PREX2: variants seen among roughly 807,000 people sequenced by gnomAD.
PREX2 encodes phosphatidylinositol-3,4,5-trisphosphate dependent Rac exchange factor 2.
PREX2 carries 107 observed loss-of-function variants against 203.2 expected under a neutral mutation model. That is an observed-to-expected ratio of 0.53 (90% CI 0.45 to 0.62). The LOEUF (loss-of-function observed/expected upper bound fraction) is 0.62. PREX2 is among the 20% of genes least tolerant of loss of function. The pLI is 0.00. For missense variants in PREX2, 1,777 were observed against 1,955.9 expected (o/e 0.91, Z 1.72); for synonymous variants, 672 against 663.6 (o/e 1.01, Z -0.19).
chr8:68,011,836 CAGAAACAAACT>C (rs1159327410), intron 1 of PREX2, among the ~76,000 whole-genome samples: 3 of 151,948 alleles, frequency 2.0e-5, no homozygotes, highest in African/African-American at 7.3e-5. Context: ...ATCAAGACTG[CAGAAACAAACT>C]AGAAGTTAAA....
At chr8:68,156,097 G>A (rs890260157) in intron 34 of PREX2, among the ~76,000 whole-genome samples, 10 of 152,078 alleles carry the variant, frequency 6.6e-5, no homozygotes, top group Non-Finnish European at 1.3e-4. Flanking sequence ...GTCTTACTCT[G>A]TCCCCCAGAC....
chr8:68,141,967 G>C (rs1038621180), intron 33 of PREX2, among the ~76,000 whole-genome samples: 2 of 152,064 alleles, frequency 1.3e-5, no homozygotes, highest in African/African-American at 4.8e-5. Context: ...TTTTTAAAAA[G>C]CCTTTATATT....
At chr8:68,087,575 G>A (rs1809731160) in intron 18 of PREX2, 149 bp from the exon 19 acceptor site, 1 of 665,736 alleles carries the variant, frequency 1.5e-6, no homozygotes, top group Non-Finnish European at 2.7e-6. Flanking sequence ...TGGGGACCAT[G>A]TTCGTCTCCA....
chr8:68,137,921 A>G (rs769019968), intron 32 of PREX2, among the ~76,000 whole-genome samples: 3 of 152,256 alleles, frequency 2.0e-5, no homozygotes, highest in Non-Finnish European at 4.4e-5. Flanking sequence ...CCAAATAATC[A>G]CACATTAAAA....
chr8:68,069,687 A>G (rs1479226551), intron 12 of PREX2, 148 bp from the exon 13 acceptor site: 1 of 439,442 alleles, frequency 2.3e-6, no homozygotes, highest in Non-Finnish European at 4.0e-6. Context: ...TTTATGATAT[A>G]TCATGATATT....
chr8:67,974,614 G>C (rs1201818813), intron 1 of PREX2, among the ~76,000 whole-genome samples: 1 of 152,068 alleles, frequency 6.6e-6, no homozygotes, highest in Non-Finnish European at 1.5e-5. Flanking sequence ...AATTGGGTTG[G>C]CCAAGTATGA....
chr8:67,952,443 C>T lies in PREX2; in HGVS notation c.49C>T (p.Leu17=). 1 of 1,593,284 alleles carries T rather than the reference C, an allele frequency of 6.3e-7. No homozygotes were observed. ...GDSRAESAKD[L]EKQLRLRVCV... Reference sequence around the variant, plus strand: ...CAGCCGCGCCGAGAGCGCCAAGGACCTGGAGAAGCAGCTTCGCCTGCGCGT... The same window carrying T: ...CAGCCGCGCCGAGAGCGCCAAGGACTTGGAGAAGCAGCTTCGCCTGCGCGT... Residue 17 remains leucine (L), a synonymous_variant, in exon 1 of 40, where the codon CTG becomes TTG. Transcript: ENST00000288368.
intron 1 of PREX2, among the ~76,000 whole-genome samples, chr8:67,986,693 C>T (rs575959407): frequency 9.9e-5 from 15 of 152,232 alleles, no homozygotes; most frequent in South Asian, 8.3e-4. Flanking sequence ...GCCTTTCTTT[C>T]GAGAACCTTA....
At chr8:68,119,781 T>G (rs2129613093) in intron 28 of PREX2, among the ~76,000 whole-genome samples, 1 of 152,298 alleles carries the variant, frequency 6.6e-6, no homozygotes, top group East Asian at 1.9e-4. Flanking sequence ...AGTATTTTTT[T>G]TTGTTTTTTT....
chr8:68,146,352 G>GGTAAACT lies in PREX2; in HGVS notation c.4231+3_4231+9dup. 6.2e-7 allele frequency: 1 copy of GGTAAACT among 1,609,144 alleles called. No individual in the cohort carries two copies. Among genetic ancestry groups the GGTAAACT allele is most frequent in the East Asian group, 2.2e-5 (1 of 44,618 alleles). On this transcript the variant is annotated frameshift_variant and splice_region_variant. Coordinates refer to ENST00000288368, the MANE Select transcript of PREX2 (RefSeq NM_024870.4). LOFTEE classifies it high-confidence loss of function. ...AATTCATCCTGTTCTTTTTGCACAA[G>GGTAAACT]GTAAACTGTTTCTCTTTTGATGGCT...
intron 12 of PREX2, among the ~76,000 whole-genome samples, 160 bp downstream of exon 12, chr8:68,069,296 A>G (rs1028057976): frequency 1.3e-5 from 2 of 152,012 alleles, no homozygotes; most frequent in Admixed American, 6.6e-5. Context: ...TATTTCAAGA[A>G]TTCTAACGTT....
intron 1 of PREX2, among the ~76,000 whole-genome samples, chr8:67,978,631 C>G (rs548616855): frequency 2.2e-4 from 34 of 152,108 alleles, no homozygotes; most frequent in African/African-American, 7.5e-4. Context: ...TGGGTAGTTT[C>G]CAGTTGTCGA....
intron 37 of PREX2, among the ~76,000 whole-genome samples, chr8:68,192,786 A>AT (rs1812324311): frequency 6.6e-6 from 1 of 152,312 alleles, no homozygotes; most frequent in South Asian, 2.1e-4. Flanking sequence ...ACATACTTAC[A>AT]TTTTAGGAAA....
chr8:68,236,652 T>C lies in PREX2; in HGVS notation c.*5274T>C, dbSNP rs998641861. On this transcript the variant is annotated 3_prime_UTR_variant, in exon 40 of 40. Coordinates refer to ENST00000288368, the MANE Select transcript of PREX2 (RefSeq NM_024870.4). ...AATATATATTTTTGTAACTGGCAAGTAAATGAGTAGAACAGAGCTTTTTGC... is the reference window on the plus strand; with the variant it reads ...AATATATATTTTTGTAACTGGCAAGCAAATGAGTAGAACAGAGCTTTTTGC... The C allele has an allele frequency of 5.9e-5, 9 of 152,182 alleles. No individual in the cohort carries two copies. The highest frequency in any genetic ancestry group is 6.5e-5 in the Admixed American group (1 of 15,268). 9.4% of individuals were successfully genotyped at this position (152,182 alleles called of 1,614,324 possible).
At chr8:68,052,159 C>G (rs759076286) in intron 8 of PREX2, among the ~76,000 whole-genome samples, 1 of 152,154 alleles carries the variant, frequency 6.6e-6, no homozygotes, top group Non-Finnish European at 1.5e-5. Flanking sequence ...TTTCTTGTGG[C>G]TTACCTCCTC....
At chr8:68,229,284 G>T (rs7835417) in intron 39 of PREX2, among the ~76,000 whole-genome samples, 11,455 of 152,098 alleles carry the variant, frequency 0.075, 831 homozygotes, top group East Asian at 0.36. Flanking sequence ...AACCTTTTTC[G>T]TGCAGGGCCA....
intron 1 of PREX2, among the ~76,000 whole-genome samples, chr8:68,017,562 T>C (rs762497666): frequency 1.3e-5 from 2 of 152,214 alleles, no homozygotes; most frequent in Non-Finnish European, 2.9e-5. Context: ...TTAGGAAACA[T>C]CTGACTCTAA....
chr8:67,987,475 C>T (rs1806469438), intron 1 of PREX2, among the ~76,000 whole-genome samples: 1 of 152,072 alleles, frequency 6.6e-6, no homozygotes, highest in Non-Finnish European at 1.5e-5. Context: ...TGCACTGGGG[C>T]AAAATTTCAG....
intron 1 of PREX2, among the ~76,000 whole-genome samples, chr8:67,991,323 A>G (rs1418461218): frequency 1.3e-5 from 2 of 152,166 alleles, no homozygotes; most frequent in Non-Finnish European, 2.9e-5. Context: ...TAAAACACTC[A>G]TGGGGCAAGG....
Sources: gnomAD v4.1 joint callset for allele counts (sites outside exome capture counted in the v4.1 genomes callset) on GRCh38, gnomAD v4.1.1 for gene constraint, MANE v1.5 for transcripts, NCBI Gene and HGNC (gene_info 2026-07-23, HGNC 2026-07-21) for gene names.